Variants in OPCML observed in about 807,000 individuals in gnomAD.
OPCML encodes the protein opioid-binding protein/cell adhesion molecule.
A neutral mutation model predicts 37.8 loss-of-function variants in OPCML; 13 were observed. The ratio of observed to expected loss-of-function variants is 0.34; its 90% confidence interval spans 0.22 to 0.55. The LOEUF (loss-of-function observed/expected upper bound fraction) is 0.55, where lower values mean the gene tolerates loss of function less well. Ranked by LOEUF, OPCML falls within the 20% of genes least tolerant of loss-of-function variation. The pLI, the probability that OPCML is intolerant of heterozygous loss-of-function variation, is 0.91. For synonymous variants in OPCML, 176 were observed against 168.8 expected (o/e 1.04, Z -0.33); for missense variants, 341 against 435.6 (o/e 0.78, Z 1.93).
chr11:133,484,578 G>C (rs1947488681), intron 1 of OPCML, among the ~76,000 whole-genome samples: 1 of 151,888 alleles, frequency 6.6e-6, no homozygotes, highest in African/African-American at 2.4e-5. Context: ...AAAAACCACA[G>C]GAAAAAAATA....
intron 1 of OPCML, among the ~76,000 whole-genome samples, chr11:133,505,944 C>A (rs898920675): frequency 2.0e-5 from 3 of 152,148 alleles, no homozygotes; most frequent in African/African-American, 7.2e-5. Flanking sequence ...GTTAGAAGTT[C>A]GCACCATTTT....
intron 2 of OPCML, among the ~76,000 whole-genome samples, chr11:132,810,131 G>C (rs187991203): frequency 6.6e-6 from 1 of 152,088 alleles, no homozygotes; most frequent in Admixed American, 6.5e-5. Context: ...TTAGAGGCGT[G>C]AGCCACCACA....
intron 3 of OPCML, among the ~76,000 whole-genome samples, chr11:132,618,329 A>G (rs543533949): frequency 1.3e-5 from 2 of 152,118 alleles, no homozygotes; most frequent in South Asian, 4.2e-4. Context: ...ACATGGTGAA[A>G]CCCCATCTGT....
At chr11:133,019,041 T>G (rs2136896682) in intron 1 of OPCML, among the ~76,000 whole-genome samples, 1 of 152,306 alleles carries the variant, frequency 6.6e-6, no homozygotes, top group South Asian at 2.1e-4. Flanking sequence ...TCAAAGATGA[T>G]GTTACTGTGA....
At chr11:133,056,267 A>T (rs1046871379) in intron 1 of OPCML, among the ~76,000 whole-genome samples, 8 of 152,226 alleles carry the variant, frequency 5.3e-5, no homozygotes, top group Admixed American at 3.3e-4. Context: ...AATTTCATAA[A>T]CTACTGTGTG....
rs901438627 is a variant in OPCML at position 133,212,519 on chromosome 11, C to T, written c.62-269509G>A. Reference sequence around the variant, plus strand: ...TCTCATCTTCCAGAACGCCGACCCTCGGCACCCTATTGAAGTTGTAACCTA... The same window carrying T: ...TCTCATCTTCCAGAACGCCGACCCTTGGCACCCTATTGAAGTTGTAACCTA... On this transcript the variant is annotated intron_variant, in intron 1 of 7. Coordinates refer to ENST00000524381, the MANE Select transcript of OPCML (RefSeq NM_001012393.5). The surrounding 1 kb of genome is among the most constrained non-coding windows in gnomAD (Gnocchi z 4.9). Among the ~76,000 whole-genome samples the T allele has an allele frequency of 3.9e-5, 6 of 152,196 alleles. No homozygotes were observed. The highest frequency in any genetic ancestry group is 9.6e-5 in the African/African-American group (4 of 41,456).
intron 1 of OPCML, among the ~76,000 whole-genome samples, chr11:132,948,106 T>C (rs1414463164): frequency 1.3e-5 from 2 of 152,210 alleles, no homozygotes; most frequent in East Asian, 3.9e-4. Context: ...ACCTATGTTA[T>C]AGGGTTTGAG....
intron 1 of OPCML, chr11:133,366,007 G>A (rs1437810561): frequency 1.3e-5 from 2 of 152,226 alleles, no homozygotes; most frequent in African/African-American, 4.8e-5. Flanking sequence ...CTCTTAGCAA[G>A]GAAGGAAGGA....
chr11:132,663,057 T>C (rs1266586239), intron 2 of OPCML, among the ~76,000 whole-genome samples: 1 of 152,148 alleles, frequency 6.6e-6, no homozygotes, highest in South Asian at 2.1e-4. Context: ...ATGGCAAATG[T>C]AGTTAAATCT....
chr11:132,985,840 T>C (rs570204973), intron 1 of OPCML, among the ~76,000 whole-genome samples: 21 of 152,360 alleles, frequency 1.4e-4, no homozygotes, highest in African/African-American at 5.0e-4. Context: ...TTCCCTGCAG[T>C]AAATCATTCT....
In OPCML at chr11:132,477,773, T is replaced by C. The variant is rs573620135; in HGVS notation, c.506-40414A>G. Reference sequence around the variant, plus strand: ...CCCAAAGACAGGGAACATAGACTGATGTATTAAGGTAATCATTGACTTTAG... The same window carrying C: ...CCCAAAGACAGGGAACATAGACTGACGTATTAAGGTAATCATTGACTTTAG... On this transcript the variant is annotated intron_variant, in intron 4 of 7. Coordinates refer to ENST00000524381, the MANE Select transcript of OPCML (RefSeq NM_001012393.5). Among the ~76,000 whole-genome samples the C allele has an allele frequency of 3.3e-5, 5 of 152,340 alleles. No individual in the cohort carries two copies. The East Asian group carries it at 5.8e-4, about 18-fold the overall frequency.
At chr11:133,207,427 C>G (rs1253677699) in intron 1 of OPCML, among the ~76,000 whole-genome samples, 1 of 152,114 alleles carries the variant, frequency 6.6e-6, no homozygotes, top group African/African-American at 2.4e-5. Context: ...AGATGTTTCT[C>G]CAACTAATGA....
chr11:133,144,243 G>A (rs11223373), intron 1 of OPCML, among the ~76,000 whole-genome samples: 98,716 of 152,104 alleles, frequency 0.65, 34,436 homozygotes, highest in Admixed American at 0.79. Flanking sequence ...CAGGGATTCC[G>A]TGAGGATTCA....
At chr11:133,184,531 T>G (rs905811263) in intron 1 of OPCML, among the ~76,000 whole-genome samples, 17 of 152,136 alleles carry the variant, frequency 1.1e-4, no homozygotes, top group African/African-American at 3.9e-4. Context: ...AGGCTGGTCA[T>G]GGCAGAAACA....
At chr11:133,419,584 A>T (rs11827510) in intron 1 of OPCML, among the ~76,000 whole-genome samples, 2,292 of 152,252 alleles carry the variant, frequency 0.015, 57 homozygotes, top group African/African-American at 0.052. Context: ...TATGGTGAAA[A>T]CACTGTACAA....
At chr11:132,776,626 T>A (rs1220174162) in intron 2 of OPCML, among the ~76,000 whole-genome samples, 1 of 152,052 alleles carries the variant, frequency 6.6e-6, no homozygotes, top group African/African-American at 2.4e-5. Flanking sequence ...CCCCCATTGC[T>A]TTCCACCATG....
chr11:132,733,473 T>A (rs953316600), intron 2 of OPCML, among the ~76,000 whole-genome samples: 1 of 152,130 alleles, frequency 6.6e-6, no homozygotes, highest in African/African-American at 2.4e-5. Context: ...TCATTCTACT[T>A]GCTGAGATTG....
At chr11:132,661,866 A>G (rs1941990542) in intron 2 of OPCML, among the ~76,000 whole-genome samples, 1 of 152,218 alleles carries the variant, frequency 6.6e-6, no homozygotes, top group Non-Finnish European at 1.5e-5. Context: ...TTAATATTAT[A>G]TCCACATTTT....
intron 1 of OPCML, among the ~76,000 whole-genome samples, chr11:133,490,275 C>T (rs146255483): frequency 2.0e-5 from 3 of 152,256 alleles, no homozygotes; most frequent in African/African-American, 7.2e-5. Context: ...ATTTCCATCC[C>T]GACCTACATA....
Sources: gnomAD v4.1 joint callset for allele counts (sites outside exome capture counted in the v4.1 genomes callset) on GRCh38, gnomAD v4.1.1 for gene constraint, Gnocchi (gnomAD v3.1) non-coding constraint, MANE v1.5 for transcripts, NCBI Gene and HGNC (gene_info 2026-07-23, HGNC 2026-07-21) for gene names.